HDAC4: variants seen among roughly 807,000 people sequenced by gnomAD.
The protein encoded by HDAC4 is histone deacetylase A.
Under a neutral mutation model 135.1 loss-of-function variants are expected in HDAC4, and 16 were observed. The observed-to-expected ratio is 0.12, with a 90% CI of 0.08 to 0.18. The LOEUF (loss-of-function observed/expected upper bound fraction) is 0.18. HDAC4 is among the 10% of genes least tolerant of loss of function. The pLI is 1.00. For synonymous variants in HDAC4, 685 were observed against 653.4 expected (o/e 1.05, Z -0.74); for missense variants, 1,143 against 1,511.8 (o/e 0.76, Z 4.05).
At chr2:239,179,408 G>A (rs895909904) in intron 4 of HDAC4, among the ~76,000 whole-genome samples, 1 of 152,176 alleles carries the variant, frequency 6.6e-6, no homozygotes, top group Non-Finnish European at 1.5e-5. Flanking sequence ...CTGGATCAGT[G>A]GTGGCATTAG....
chr2:239,242,077 A>AGAAGGAAGGAAGGAAGGAAGGAAGGAAG (rs143185918), intron 2 of HDAC4, among the ~76,000 whole-genome samples: 2 of 149,250 alleles, frequency 1.3e-5, no homozygotes, highest in African/African-American at 5.1e-5. Context: ...AGAAAGAAAG[A>AGAAGGAAGGAAGGAAGGAAGGAAGGAAG]GAAGGAAGGA....
rs756250457 is a variant in HDAC4, at chr2:239,115,123, T to A, written c.1721A>T (p.Glu574Val). 2 of 1,611,898 alleles carry A rather than the reference T, an allele frequency of 1.2e-6. No individual in the cohort carries two copies. The highest frequency in any genetic ancestry group is 3.3e-5 in the Admixed American group (2 of 60,016). Residue 574 changes from glutamate (E) to valine (V), a missense_variant, in exon 13 of 27, where the codon GAG becomes GTG. This residue lies in a region of HDAC4 where 196 missense variants were observed against 210.7 expected (regional missense o/e 0.93). Coordinates refer to ENST00000543185, the MANE Select transcript of HDAC4 (RefSeq NM_001378414.1). The surrounding 1 kb of genome is among the most constrained non-coding windows in gnomAD (Gnocchi z 6.3). ...CTCCACCTCCCGTGGGGGCTCTGCC[T>A]CTTCCTCATCGCTCTCAATGGGCTC... ...KQEPIESDEE[E>V]AEPPREVEPG...
At chr2:239,350,055 A>C (rs985964223) in intron 2 of HDAC4, among the ~76,000 whole-genome samples, 1 of 152,162 alleles carries the variant, frequency 6.6e-6, no homozygotes. Flanking sequence ...CAAACCCAGC[A>C]CCCCGCGGTT....
rs79914153 is a variant in HDAC4, at chr2:239,341,251, G to A, written c.22+11427C>T. ...TGCTATGGAAGCACATGAGAGAGACGTGGGGCGAAGGCCGCCTTTGCTCCC... is the reference window on the plus strand; with the variant it reads ...TGCTATGGAAGCACATGAGAGAGACATGGGGCGAAGGCCGCCTTTGCTCCC... On this transcript the variant is annotated intron_variant, in intron 2 of 26. Transcript: ENST00000543185. Among the ~76,000 whole-genome samples, 777 of 152,360 alleles carry A rather than the reference G, an allele frequency of 5.1e-3. 7 individuals are homozygous for A. The highest frequency in any genetic ancestry group is 0.018 in the African/African-American group (747 of 41,584).
At chr2:239,274,285 CAG>C (rs2050224912) in intron 2 of HDAC4, among the ~76,000 whole-genome samples, 1 of 152,148 alleles carries the variant, frequency 6.6e-6, no homozygotes, top group East Asian at 1.9e-4. Context: ...CCAGCTCATT[CAG>C]AGAGAAATTT....
At chr2:239,304,996 C>T (rs991405193) in intron 2 of HDAC4, among the ~76,000 whole-genome samples, 1 of 152,146 alleles carries the variant, frequency 6.6e-6, no homozygotes, top group African/African-American at 2.4e-5. Context: ...AGGACAGTCC[C>T]GCGCTTTCTT....
At chr2:239,277,409 C>G (rs2050432114) in intron 2 of HDAC4, among the ~76,000 whole-genome samples, 1 of 152,174 alleles carries the variant, frequency 6.6e-6, no homozygotes, top group African/African-American at 2.4e-5. Flanking sequence ...AAGTGCAGAC[C>G]CAGGTGGACA....
intron 2 of HDAC4, among the ~76,000 whole-genome samples, chr2:239,282,846 TACCACTCTACAATGTACAC>T (rs2050887369): frequency 7.8e-6 from 1 of 128,440 alleles, no homozygotes; most frequent in Non-Finnish European, 1.6e-5. Context: ...ACAATGTACA[TACCACTCTACAATGTACAC>T]ACCACTCTCC....
intron 2 of HDAC4, among the ~76,000 whole-genome samples, chr2:239,346,791 TCACACACACACACCCTGTCTAAAA>T (rs998324933): frequency 2.8e-5 from 2 of 71,050 alleles, no homozygotes; most frequent in African/African-American, 4.1e-5. Flanking sequence ...ATACACCGTC[TCACACACACACACCCTGTCTAAAA>T]CACACACACA....
At chr2:239,289,366 CTG>C (rs2051329963) in intron 2 of HDAC4, among the ~76,000 whole-genome samples, 2 of 152,240 alleles carry the variant, frequency 1.3e-5, no homozygotes, top group African/African-American at 4.8e-5. Context: ...AAGAAAAGGT[CTG>C]TGTTTTGTCT....
Position 239,299,853 on chromosome 2 carries a change from G to C in HDAC4, c.22+52825C>G, listed in dbSNP as rs1383038188. ...CGAACCAAACCAGCAACAGAGCGGA[G>C]AGCCTGCAGGGACGCAGCTGGGGAC... On this transcript the variant is annotated intron_variant, in intron 2 of 26. Coordinates refer to ENST00000543185, the MANE Select transcript of HDAC4 (RefSeq NM_001378414.1). This position sits in a 1 kb window ranked among gnomAD's most constrained non-coding sequence, Gnocchi z 4.0. Among the ~76,000 whole-genome samples, 3 of 152,238 alleles carry C rather than the reference G, an allele frequency of 2.0e-5. No homozygotes were observed. Among genetic ancestry groups the C allele is most frequent in the Non-Finnish European group, 4.4e-5 (3 of 68,044 alleles).
rs1002486267 is a variant in HDAC4, at chr2:239,094,167, G to C, written c.2280+843C>G. On this transcript the variant is annotated intron_variant, in intron 17 of 26. Coordinates refer to ENST00000543185, the MANE Select transcript of HDAC4 (RefSeq NM_001378414.1). ...CCTGTAACCGTCTGTGGTGATTCGC[G>C]GCACTGCAGGACCATGATGGCCCGG... The C allele has an allele frequency of 2.2e-5, 22 of 985,420 alleles. 1 individual carries two copies. The South Asian group carries it at 1.0e-3, about 46-fold the overall frequency. 61.0% of individuals were successfully genotyped at this position (985,420 alleles called of 1,614,324 possible). A position where few individuals can be genotyped will look rare whatever the true frequency, so the allele number is the denominator to read the frequency against.
intron 1 of HDAC4, among the ~76,000 whole-genome samples, chr2:239,398,497 A>G (rs1166651136): frequency 1.3e-5 from 2 of 152,180 alleles, no homozygotes. Context: ...CAACCCCACA[A>G]TGTGTGGAAA....
At chr2:239,098,335 G>A (rs3828200) in intron 16 of HDAC4, among the ~76,000 whole-genome samples, 32,136 of 152,170 alleles carry the variant, frequency 0.21, 3,581 homozygotes, top group East Asian at 0.31. Context: ...TGTTTGCCGC[G>A]GGCTGGCAGA....
At chr2:239,327,729 G>A (rs939184070) in intron 2 of HDAC4, among the ~76,000 whole-genome samples, 1 of 152,202 alleles carries the variant, frequency 6.6e-6, no homozygotes, top group Non-Finnish European at 1.5e-5. Context: ...GGGCCTGACA[G>A]CCTCCCCAAA....
chr2:239,394,186 T>C (rs1696414584), intron 1 of HDAC4, among the ~76,000 whole-genome samples: 1 of 152,170 alleles, frequency 6.6e-6, no homozygotes, highest in African/African-American at 2.4e-5. Context: ...GATTTATTGT[T>C]TCAAGCTTAA....
At chr2:239,387,957 G>T (rs950350981) in intron 1 of HDAC4, among the ~76,000 whole-genome samples, 1 of 152,142 alleles carries the variant, frequency 6.6e-6, no homozygotes, top group African/African-American at 2.4e-5. Context: ...GCTTGGGGCC[G>T]CAGTGGCCAC....
chr2:239,151,423 G>A (rs2042113174), intron 7 of HDAC4, among the ~76,000 whole-genome samples: 1 of 152,214 alleles, frequency 6.6e-6, no homozygotes, highest in African/African-American at 2.4e-5. Flanking sequence ...CCAAAATGGA[G>A]GAAAACCCAC....
At position 239,082,234 on chromosome 2, in the gene HDAC4, G is replaced by A; in HGVS notation, c.2533-13C>T. The A allele has an allele frequency of 2.5e-6, 4 of 1,614,204 alleles. No individual in the cohort carries two copies. Among genetic ancestry groups the A allele is most frequent in the Non-Finnish European group, 3.4e-6 (4 of 1,180,018 alleles). On this transcript the variant is annotated splice_polypyrimidine_tract_variant and intron_variant, in intron 20 of 26. Coordinates refer to ENST00000543185, the MANE Select transcript of HDAC4 (RefSeq NM_001378414.1). ...CATGGTGCACGTCCTTAAAGAGCAG[G>A]GACAACTACTTCAGGGCTGAGGCAG...
Sources: allele counts gnomAD v4.1 joint callset (sites outside exome capture counted in the v4.1 genomes callset), GRCh38; gene constraint gnomAD v4.1.1; regional missense constraint gnomAD v4.1.1; non-coding constraint Gnocchi (gnomAD v3.1); transcripts MANE v1.5; gene names NCBI Gene and HGNC (gene_info 2026-07-23, HGNC 2026-07-21).